The following CACNA2D3 variants were observed in gnomAD, a reference collection of about 807,000 sequenced individuals.
CACNA2D3 encodes the protein calcium voltage-gated channel auxiliary subunit alpha2delta 3.
CACNA2D3 carries 60 observed loss-of-function variants against 160.6 expected under a neutral mutation model. That is an observed-to-expected ratio of 0.37 (90% CI 0.30 to 0.46). The LOEUF (loss-of-function observed/expected upper bound fraction) is 0.46. Ranked by LOEUF, CACNA2D3 falls within the 20% of genes least tolerant of loss-of-function variation. The probability of loss-of-function intolerance (pLI) is 1.00; values close to 1 mark genes in which losing one functional copy is unlikely to be tolerated. For synonymous variants in CACNA2D3, 558 were observed against 492.9 expected (o/e 1.13, Z -1.75); for missense variants, 1,205 against 1,365.0 (o/e 0.88, Z 1.85).
intron 2 of CACNA2D3, among the ~76,000 whole-genome samples, chr3:54,233,675 T>C (rs1229911361): frequency 6.6e-6 from 1 of 152,210 alleles, no homozygotes; most frequent in Non-Finnish European, 1.5e-5. Context: ...ATGAGCAATC[T>C]GAACTTCTTG....
intron 2 of CACNA2D3, among the ~76,000 whole-genome samples, chr3:54,181,364 A>G (rs1372159297): frequency 6.6e-6 from 1 of 152,244 alleles, no homozygotes; most frequent in Non-Finnish European, 1.5e-5. Context: ...CCATTCAGTG[A>G]TTAACCTCTC....
At chr3:54,601,524 A>G (rs1158538195) in intron 9 of CACNA2D3, among the ~76,000 whole-genome samples, 2 of 152,034 alleles carry the variant, frequency 1.3e-5, no homozygotes, top group Non-Finnish European at 2.9e-5. Context: ...TTTTAAAAGT[A>G]TGATTCCTGG....
chr3:54,918,219 A>G, intron 27 of CACNA2D3: 2 of 453,950 alleles, frequency 4.4e-6, no homozygotes, highest in Non-Finnish European at 7.8e-6. Flanking sequence ...TCGTCGTAAT[A>G]ACTTCCCAGG....
chr3:54,974,013 A>C (rs966934319), intron 29 of CACNA2D3, among the ~76,000 whole-genome samples: 1 of 152,132 alleles, frequency 6.6e-6, no homozygotes, highest in African/African-American at 2.4e-5. Context: ...AAATGAAGAC[A>C]ACAGGCAGTA....
intron 14 of CACNA2D3, among the ~76,000 whole-genome samples, chr3:54,834,822 G>T (rs1698638817): frequency 6.6e-6 from 1 of 152,202 alleles, no homozygotes; most frequent in Non-Finnish European, 1.5e-5. Context: ...AAGGCAGGCA[G>T]TCTGACATGC....
In CACNA2D3 at chr3:54,953,438, TC is replaced by T; in HGVS notation, c.2450-15011del. 1.3e-5 allele frequency among the ~76,000 whole-genome samples: 2 copies of T among 152,200 alleles called. 1 individual carries two copies. The highest frequency in any genetic ancestry group is 4.2e-4 in the South Asian group (2 of 4,814). The stretch of plus-strand genomic sequence containing the variant: ...GTGAGACTCATGAAATTCCCCACCC[TC>T]AGTACAGATAGCACTGGGCCAAGAT... On this transcript the variant is annotated intron_variant, in intron 27 of 37. Coordinates refer to ENST00000474759, the MANE Select transcript of CACNA2D3 (RefSeq NM_018398.3).
chr3:54,794,607 T>TA (rs1468128555), intron 13 of CACNA2D3, among the ~76,000 whole-genome samples: 9 of 143,152 alleles, frequency 6.3e-5, no homozygotes, highest in African/African-American at 2.4e-4. Context: ...TCAGATATAT[T>TA]TTTTTTTTTT....
At chr3:54,340,775 G>A (rs894756408) in intron 3 of CACNA2D3, among the ~76,000 whole-genome samples, 1 of 152,076 alleles carries the variant, frequency 6.6e-6, no homozygotes, top group Non-Finnish European at 1.5e-5. Flanking sequence ...CTACTTCCTG[G>A]TTTTCCATGG....
intron 8 of CACNA2D3, among the ~76,000 whole-genome samples, chr3:54,580,355 G>A (rs1254578436): frequency 6.6e-6 from 1 of 152,044 alleles, no homozygotes; most frequent in Middle Eastern, 3.2e-3. Context: ...AGCAGCTTTA[G>A]GTCTAGCCCC....
intron 35 of CACNA2D3, among the ~76,000 whole-genome samples, chr3:55,069,873 G>A (rs1357477858): frequency 1.3e-5 from 2 of 152,176 alleles, no homozygotes; most frequent in Non-Finnish European, 1.5e-5. Context: ...AAAAAATGTT[G>A]AAAATGCTCC....
At chr3:54,627,688 C>G (rs868741623) in intron 9 of CACNA2D3, 99 bp from the exon 10 acceptor site, 2 of 744,966 alleles carry the variant, frequency 2.7e-6, no homozygotes, top group Non-Finnish European at 4.8e-6. Context: ...TTGGATCTGA[C>G]AATCATTGGT....
chr3:54,944,283 AT>A (rs1701552380), intron 27 of CACNA2D3, among the ~76,000 whole-genome samples: 1 of 151,902 alleles, frequency 6.6e-6, no homozygotes, highest in African/African-American at 2.4e-5. Flanking sequence ...TTCTTAGATT[AT>A]TTTTTAGGTC....
chr3:54,844,113 T>A (rs184603174), intron 16 of CACNA2D3, among the ~76,000 whole-genome samples: 41 of 152,058 alleles, frequency 2.7e-4, no homozygotes, highest in African/African-American at 9.4e-4. Flanking sequence ...GACAGAATCT[T>A]AGGGAAAATG....
chr3:55,073,979 T>TAA, intron 37 of CACNA2D3, 120 bp downstream of exon 37: 2 of 1,094,116 alleles, frequency 1.8e-6, no homozygotes, highest in South Asian at 2.7e-5. Flanking sequence ...TTTCATTCAG[T>TAA]AAACTGAATC....
intron 2 of CACNA2D3, among the ~76,000 whole-genome samples, chr3:54,283,059 T>C (rs980849685): frequency 6.6e-6 from 1 of 152,196 alleles, no homozygotes; most frequent in Non-Finnish European, 1.5e-5. Context: ...ATTTTTACTT[T>C]AAAAACAAAG....
At chr3:54,289,622 A>G (rs1703131404) in intron 2 of CACNA2D3, among the ~76,000 whole-genome samples, 1 of 152,368 alleles carries the variant, frequency 6.6e-6, no homozygotes, top group African/African-American at 2.4e-5. Context: ...CCGAAAGAAC[A>G]AAGCTGGAAG....
At chr3:54,343,409 A>G (rs1204834673) in intron 3 of CACNA2D3, among the ~76,000 whole-genome samples, 1 of 152,088 alleles carries the variant, frequency 6.6e-6, no homozygotes, top group Non-Finnish European at 1.5e-5. Flanking sequence ...CTCTCACCAC[A>G]GCCTCCCAAG....
At chr3:54,407,548 G>A (rs1176017980) in intron 4 of CACNA2D3, among the ~76,000 whole-genome samples, 1 of 152,090 alleles carries the variant, frequency 6.6e-6, no homozygotes, top group Non-Finnish European at 1.5e-5. Context: ...GAATCCTTAA[G>A]TGTGATAATT....
At chr3:54,261,763 C>G (rs1400134255) in intron 2 of CACNA2D3, among the ~76,000 whole-genome samples, 2 of 152,232 alleles carry the variant, frequency 1.3e-5, no homozygotes, top group Non-Finnish European at 2.9e-5. Context: ...CTACCTCTCA[C>G]TATCCTTGGT....
Sources: allele counts gnomAD v4.1 joint callset (sites outside exome capture counted in the v4.1 genomes callset), GRCh38; gene constraint gnomAD v4.1.1; transcripts MANE v1.5; gene names NCBI Gene and HGNC (gene_info 2026-07-23, HGNC 2026-07-21).